Variants in PATL1 observed in about 807,000 individuals in gnomAD.
PATL1 encodes the protein PAT1 homolog 1, processing body mRNA decay factor.
In PATL1, 32 loss-of-function variants were observed where a neutral mutation model predicts 100.6. The observed-to-expected ratio is 0.32, with a 90% confidence interval of 0.24 to 0.43. PATL1 has a LOEUF of 0.43. Ranked by LOEUF, PATL1 falls within the 20% of genes least tolerant of loss-of-function variation. PATL1 has a pLI of 1.00. For synonymous variants in PATL1, 332 were observed against 330.0 expected (o/e 1.01, Z -0.07); for missense variants, 747 against 949.9 (o/e 0.79, Z 2.81).
At chr11:59,648,030 C>T (rs1251200351) in intron 14 of PATL1, 117 bp from the exon 15 acceptor site, 39 of 826,808 alleles carry the variant, frequency 4.7e-5, no homozygotes, top group Non-Finnish European at 6.4e-5. Context: ...CTCTAATAAC[C>T]TGTACTATAA....
chr11:59,645,992 G>A (rs1861359103), intron 15 of PATL1, among the ~76,000 whole-genome samples: 1 of 152,140 alleles, frequency 6.6e-6, no homozygotes, highest in Non-Finnish European at 1.5e-5. Context: ...CTCCTAGCAG[G>A]TAAGCTCCAT....
At chr11:59,645,185 TAC>T (rs1380415603) in intron 15 of PATL1, among the ~76,000 whole-genome samples, 2 of 124,858 alleles carry the variant, frequency 1.6e-5, no homozygotes, top group Non-Finnish European at 3.3e-5. Flanking sequence ...TACCTCTTTC[TAC>T]ACAGACACGG....
At position 59,658,892 on chromosome 11, in the gene PATL1, G is replaced by T. The variant is rs116027464; in HGVS notation, c.400C>A (p.Arg134=). The change falls in exon 4 of 19, where the codon CGA becomes AGA. Residue 134 remains arginine (R), a synonymous_variant. Transcript: ENST00000300146. The part of the protein sequence containing the change: ...SIWDGSEVLR[R]IRGPLLAQEM... Reference sequence around the variant, plus strand: ...TGAGCAAGCAGTGGTCCTCGGATTCGCCTCAGAACTTCAGATCCATCCCAG... The same window carrying T: ...TGAGCAAGCAGTGGTCCTCGGATTCTCCTCAGAACTTCAGATCCATCCCAG... The T allele has an allele frequency of 6.9e-4, 1,066 of 1,549,210 alleles. 3 individuals carry two copies. In the African/African-American group the frequency reaches 0.012, roughly 18 times the overall value.
At position 59,651,554 on chromosome 11, in the gene PATL1, C is replaced by T. The variant is rs771575030; in HGVS notation, c.1514G>A (p.Ser505Asn). The change falls in exon 12 of 19, where the codon AGT becomes AAT. Residue 505 changes from serine (S) to asparagine (N), a missense_variant. Around this residue, in one of 4 missense-constraint regions of PATL1, gnomAD observed 434 missense variants for 596.1 expected, o/e 0.73. Transcript: ENST00000300146. The part of the protein sequence containing the change: ...KMIDAVVTSR[S>N]EDDETKEKQV... ...TGTGTTGACACTTACATCATCCTCA[C>T]TCCGAGATGTCACAACAGCATCAAT... 6 of 1,609,224 alleles carry T rather than the reference C, an allele frequency of 3.7e-6. No homozygotes were observed. In the Admixed American group the frequency reaches 1.0e-4, roughly 27 times the overall value.
intron 9 of PATL1, 40 bp downstream of exon 9, chr11:59,653,943 C>T: frequency 6.5e-7 from 1 of 1,535,182 alleles, no homozygotes; most frequent in Non-Finnish European, 9.0e-7. Flanking sequence ...AAATTAAAAG[C>T]TGAATTAAGA....
chr11:59,655,158 G>A (rs563397886), intron 8 of PATL1, among the ~76,000 whole-genome samples: 31 of 152,100 alleles, frequency 2.0e-4, no homozygotes, highest in African/African-American at 5.8e-4. Context: ...ACTGGTTCTC[G>A]TGTGTCTCTT....
intron 14 of PATL1, 66 bp downstream of exon 14, chr11:59,649,396 A>G (rs1302504701): frequency 1.3e-6 from 2 of 1,556,412 alleles, no homozygotes; most frequent in Non-Finnish European, 8.7e-7. Context: ...GCAAAAATGT[A>G]TGAAATCCAG....
chr11:59,664,479 G>T (rs1045485828), intron 2 of PATL1, among the ~76,000 whole-genome samples: 1 of 152,034 alleles, frequency 6.6e-6, no homozygotes, highest in South Asian at 2.1e-4. Flanking sequence ...AGAATTTGTT[G>T]AAAAAATGGT....
chr11:59,653,133 T>G, intron 9 of PATL1, 115 bp from the exon 10 acceptor site: 1 of 898,962 alleles, frequency 1.1e-6, no homozygotes, highest in South Asian at 1.9e-5. Context: ...CCGTTTGCTT[T>G]TCTTAAAAGG....
At position 59,653,839 on chromosome 11, in the gene PATL1, T is replaced by C. The variant is rs1861482773; in HGVS notation, c.1121+144A>G. 19 of 659,694 alleles carry C rather than the reference T, an allele frequency of 2.9e-5. 1 individual carries two copies. The South Asian group carries it at 3.5e-4, about 12-fold the overall frequency. The allele number at this position is 659,694 out of a possible 1,614,324, so 40.9% of individuals were successfully genotyped here. ...TCTTTACTCAATATTATGCTTTTCA[T>C]ATTTACATGTTGATAATACATCCAG... On this transcript the variant is annotated intron_variant, in intron 9 of 18. Transcript: ENST00000300146.
In PATL1 at chr11:59,666,930, T is replaced by C. The variant is rs988270589; in HGVS notation, c.50A>G (p.Asp17Gly). 2 of 1,550,396 alleles carry C rather than the reference T, an allele frequency of 1.3e-6. No individual in the cohort carries two copies. Among genetic ancestry groups the C allele is most frequent in the Admixed American group, 2.0e-5 (1 of 50,980 alleles). Residue 17 changes from aspartate (D) to glycine (G), a missense_variant, in exon 2 of 19, where the codon GAT becomes GGT. Asp to Gly is a moderately conservative substitution (Grantham distance 94). This residue lies in a region of PATL1 where 183 missense variants were observed against 221.2 expected (regional missense o/e 0.83). Coordinates refer to ENST00000300146, the MANE Select transcript of PATL1 (RefSeq NM_152716.3). ...TTCTTCTCCCAGTCCCTGAAATGCA[T>C]CTTCATCTTCATCCAGAGGACAATC... ...LEDCPLDEDEDAFQGLGEEDE... is the reference protein window; with the variant it reads ...LEDCPLDEDEGAFQGLGEEDE...
intron 15 of PATL1, among the ~76,000 whole-genome samples, chr11:59,645,092 T>TG (rs1861342555): frequency 7.0e-6 from 1 of 141,982 alleles, no homozygotes; most frequent in African/African-American, 2.6e-5. Flanking sequence ...AGCACAGGGT[T>TG]GGGGGTAAGG....
chr11:59,658,683 T>C (rs1861578266), intron 4 of PATL1, among the ~76,000 whole-genome samples, 183 bp downstream of exon 4: 1 of 152,164 alleles, frequency 6.6e-6, no homozygotes, highest in Non-Finnish European at 1.5e-5. Context: ...TAAATTCCAA[T>C]GGCTCCCTTG....
chr11:59,655,436 C>A, intron 8 of PATL1, 87 bp downstream of exon 8: 1 of 1,196,072 alleles, frequency 8.4e-7, no homozygotes, highest in Non-Finnish European at 1.1e-6. Flanking sequence ...TTATAGTTAG[C>A]AAATATCAAG....
chr11:59,663,935 T>C (rs1193800781), intron 2 of PATL1, among the ~76,000 whole-genome samples: 1 of 152,160 alleles, frequency 6.6e-6, no homozygotes, highest in Admixed American at 6.5e-5. Context: ...AAGTCACAGG[T>C]TGACTTGGAA....
intron 14 of PATL1, among the ~76,000 whole-genome samples, chr11:59,648,410 T>G (rs146716016): frequency 6.0e-5 from 9 of 151,228 alleles, no homozygotes; most frequent in Non-Finnish European, 1.3e-4. Flanking sequence ...GTCTCTGAAC[T>G]CTTGACCTCA....
At chr11:59,655,099 T>C (rs1861508055) in intron 8 of PATL1, among the ~76,000 whole-genome samples, 1 of 152,214 alleles carries the variant, frequency 6.6e-6, no homozygotes, top group African/African-American at 2.4e-5. Context: ...ACGAGCCAAT[T>C]TCTTAAAATA....
chr11:59,644,728 C>T (rs1403315925), intron 15 of PATL1, among the ~76,000 whole-genome samples: 2 of 151,892 alleles, frequency 1.3e-5, no homozygotes. Flanking sequence ...TGTGAGAAAA[C>T]GTCATGGATA....
rs200304211 is a variant in PATL1, at chr11:59,656,547, A to C, written c.675T>G (p.Pro225=). Residue 225 remains proline (P), a synonymous_variant, in exon 6 of 19, where the codon CCT becomes CCG. Coordinates refer to ENST00000300146, the MANE Select transcript of PATL1 (RefSeq NM_152716.3). ...GAGACATCCTCTCACCATAGGGAGC[A>C]GGATAACGAGGTGGCATTGGGGGCC... ...HVRPPMPPRY[P]APYGERMSPN... is the part of the protein sequence containing the mutation. 6.2e-7 allele frequency: 1 copy of C among 1,614,024 alleles called. No individual in the cohort carries two copies. Among genetic ancestry groups the C allele is most frequent in the East Asian group, 2.2e-5 (1 of 44,882 alleles).
Sources: gnomAD v4.1 joint callset for allele counts (sites outside exome capture counted in the v4.1 genomes callset) on GRCh38, gnomAD v4.1.1 for gene constraint, gnomAD v4.1.1 regional missense constraint, MANE v1.5 for transcripts, NCBI Gene and HGNC (gene_info 2026-07-23, HGNC 2026-07-21) for gene names.